Variants in TTLL8 observed in about 807,000 individuals in gnomAD.
TTLL8 encodes the protein tubulin tyrosine ligase like 8, also known as protein monoglycylase TTLL8.
Under a neutral mutation model 77.8 loss-of-function variants are expected in TTLL8, and 65 were observed. That is an observed-to-expected ratio of 0.84 (90% CI 0.68 to 1.03). The LOEUF is 1.03. Ranked by LOEUF, TTLL8 falls within the 50% of genes least tolerant of loss-of-function variation. The pLI, the probability that TTLL8 is intolerant of heterozygous loss-of-function variation, is 0.00. For synonymous variants in TTLL8, 402 were observed against 422.8 expected, an observed-to-expected ratio of 0.95 and a Z score of 0.60; for missense variants, 910 against 1,004.5, an observed-to-expected ratio of 0.91 and a Z score of 1.27.
intron 1 of TTLL8, among the ~76,000 whole-genome samples, chr22:50,051,379 T>C (rs889803333): frequency 6.6e-6 from 1 of 152,266 alleles, no homozygotes; most frequent in African/African-American, 2.4e-5. Context: ...TTCCTTCTTA[T>C]GGCTGAGCAG....
At chr22:50,030,270 C>G (rs2061277216) in intron 12 of TTLL8, 160 bp downstream of exon 13, 2 of 985,402 alleles carry the variant, frequency 2.0e-6, no homozygotes, top group South Asian at 9.4e-5. Flanking sequence ...CAACCCCGCT[C>G]CCCGGCTCCC....
rs917327219 is a variant in TTLL8, at chr22:50,034,220, C to T, written c.1039+125G>A. 6.3e-5 allele frequency: 74 copies of T among 1,165,356 alleles called. No homozygotes were observed. The highest frequency in any genetic ancestry group is 8.0e-5 in the Non-Finnish European group (73 of 914,660). The allele number at this position is 1,165,356 out of a possible 1,614,324, so 72.2% of individuals were successfully genotyped here. A position where few individuals can be genotyped will look rare whatever the true frequency, so the allele number is the denominator to read the frequency against. On this transcript the variant is annotated intron_variant, in intron 9 of 13. Transcript: ENST00000266182. The surrounding 1 kb of genome is among the most constrained non-coding windows in gnomAD (Gnocchi z 4.1). The stretch of plus-strand genomic sequence containing the variant: ...TGAGTCCTGACCCCCACGCCTGCCT[C>T]GGCGTTCTGCTCCCTCCCTTCCTTC...
chr22:50,018,952 T>C (rs2061180603), intron 12 of TTLL8, among the ~76,000 whole-genome samples, 161 bp from the exon 14 acceptor site: 1 of 152,182 alleles, frequency 6.6e-6, no homozygotes, highest in Non-Finnish European at 1.5e-5. Flanking sequence ...GGAATGTATG[T>C]AGTAAATCTA....
chr22:50,025,263 C>A (rs928984488), intron 12 of TTLL8, among the ~76,000 whole-genome samples: 7 of 96,392 alleles, frequency 7.3e-5, no homozygotes, highest in African/African-American at 1.1e-4. Flanking sequence ...AAAAAAAAAA[C>A]AAATTAGCAA....
In TTLL8 at chr22:50,030,225, C is replaced by G. The variant is rs561304033; in HGVS notation, c.2203+205G>C. On this transcript the variant is annotated intron_variant, in intron 12 of 13. Coordinates refer to ENST00000266182, the Ensembl canonical transcript of TTLL8. ...TGGCCGGCACTCCCACGCCCCCCACCCCGAGACCCCCGTGCCGGGCTGGGA... is the reference window on the plus strand; with the variant it reads ...TGGCCGGCACTCCCACGCCCCCCACGCCGAGACCCCCGTGCCGGGCTGGGA... 5.0e-5 allele frequency: 49 copies of G among 985,428 alleles called. No individual in the cohort carries two copies. The African/African-American group carries it at 7.8e-4, about 16-fold the overall frequency. The allele number at this position is 985,428 out of a possible 1,614,324, so 61.0% of individuals were successfully genotyped here.
At chr22:50,027,337 C>A (rs2061236108) in intron 12 of TTLL8, among the ~76,000 whole-genome samples, 1 of 151,518 alleles carries the variant, frequency 6.6e-6, no homozygotes. Context: ...AGTTTCCAAC[C>A]AGCCTGGCCA....
At chr22:50,020,432 A>G (rs2061188076) in intron 12 of TTLL8, among the ~76,000 whole-genome samples, 1 of 148,830 alleles carries the variant, frequency 6.7e-6, no homozygotes, top group Non-Finnish European at 1.5e-5. Flanking sequence ...TCTGACGTGC[A>G]CTACTCCATC....
At chr22:50,055,024 C>T (rs981283083), upstream of TTLL8, 4 of 507,456 alleles carry the variant, frequency 7.9e-6, no homozygotes, top group African/African-American at 8.4e-5. Context: ...CGTGCCACTG[C>T]ACTCCAGCCT....
chr22:50,020,269 CGTGCACTCCTCCATCTGAT>C (rs2061186716), intron 12 of TTLL8, among the ~76,000 whole-genome samples: 11 of 120,406 alleles, frequency 9.1e-5, no homozygotes, highest in Non-Finnish European at 1.4e-4. Context: ...CTCCATCTGA[CGTGCACTCCTCCATCTGAT>C]GTGCACTCCT....
At chr22:50,054,536 G>A (rs757751200) in intron 1 of TTLL8, 1 of 199,950 alleles carries the variant, frequency 5.0e-6, no homozygotes, top group Non-Finnish European at 1.2e-5. Context: ...TGGAGGCACA[G>A]TGAGCGTCCC....
chr22:50,051,615 G>A (rs112368187), intron 1 of TTLL8, among the ~76,000 whole-genome samples: 214 of 152,296 alleles, frequency 1.4e-3, no homozygotes, highest in African/African-American at 5.0e-3. Flanking sequence ...TGTCCACGCT[G>A]TTTTCCACAG....
chr22:50,019,607 G>C (rs2061183675), intron 12 of TTLL8, among the ~76,000 whole-genome samples: 2 of 152,190 alleles, frequency 1.3e-5, no homozygotes, highest in African/African-American at 4.8e-5. Flanking sequence ...GGGACTGATG[G>C]GGGGTGCACC....
chr22:50,053,977 T>C (rs5771325), intron 1 of TTLL8, among the ~76,000 whole-genome samples: 1 of 110,706 alleles, frequency 9.0e-6, no homozygotes, highest in Non-Finnish European at 1.9e-5. Context: ...GTGTCCGGCC[T>C]TAACATCACC....
At chr22:50,035,757 C>T (rs1727087149) in intron 8 of TTLL8, among the ~76,000 whole-genome samples, 1 of 152,226 alleles carries the variant, frequency 6.6e-6, no homozygotes, top group South Asian at 2.1e-4. Context: ...CAAGGCCGCC[C>T]AGGATACCAG....
intron 10 of TTLL8, 131 bp from the exon 12 acceptor site, chr22:50,032,240 C>T: frequency 1.0e-6 from 1 of 959,466 alleles, no homozygotes; most frequent in Non-Finnish European, 1.4e-6. Flanking sequence ...CTCCAACCCT[C>T]TGCTGGAGGG....
intron 5 of TTLL8, 56 bp from the exon 8 acceptor site, chr22:50,045,445 G>T: frequency 7.4e-7 from 1 of 1,345,368 alleles, no homozygotes; most frequent in Non-Finnish European, 9.9e-7. Context: ...GGGGACTGGA[G>T]ATGGGGCCAG....
chr22:50,050,375 CTTT>C (rs137913), intron 1 of TTLL8, 128 bp from the exon 4 acceptor site: 2,397 of 349,492 alleles, frequency 6.9e-3, no homozygotes, highest in East Asian at 0.013. Context: ...CCAATATGTC[CTTT>C]TTTTTTTTTT....
chr22:50,030,505 C>A (rs756045151), exon 12 of TTLL8: 1 of 1,340,762 alleles, frequency 7.5e-7, no homozygotes, highest in Non-Finnish European at 9.9e-7. Context: ...AGCGGGTGCG[C>A]ATTTAGCTGG....
chr22:50,055,984 A>T (rs1294939848), upstream of TTLL8, among the ~76,000 whole-genome samples: 1 of 152,194 alleles, frequency 6.6e-6, no homozygotes, highest in Non-Finnish European at 1.5e-5. Context: ...TGTTGATAAA[A>T]CAGGTTGCTG....
Sources: allele counts gnomAD v4.1 joint callset (sites outside exome capture counted in the v4.1 genomes callset), GRCh38; gene constraint gnomAD v4.1.1; non-coding constraint Gnocchi (gnomAD v3.1); transcripts MANE v1.5; gene names NCBI Gene and HGNC (gene_info 2026-07-23, HGNC 2026-07-21).